Variants in PRKCH observed in about 807,000 individuals in gnomAD.
The protein encoded by PRKCH is protein kinase C eta.
PRKCH carries 28 observed loss-of-function variants against 82.5 expected under a neutral mutation model. That is an observed-to-expected ratio of 0.34 (90% CI 0.25 to 0.47). The LOEUF is 0.47. Ranked by LOEUF, PRKCH falls within the 20% of genes least tolerant of loss-of-function variation. The pLI is 1.00. For synonymous variants in PRKCH, 322 were observed against 327.4 expected, an observed-to-expected ratio of 0.98 and a Z score of 0.18; for missense variants, 705 against 881.8, an observed-to-expected ratio of 0.80 and a Z score of 2.54.
At chr14:61,302,577 T>A (rs1296861007) in intron 1 of PRKCH, among the ~76,000 whole-genome samples, 1 of 152,234 alleles carries the variant, frequency 6.6e-6, no homozygotes, top group Admixed American at 6.5e-5. Flanking sequence ...AAATTTTGAT[T>A]TTTAAAATTA....
At chr14:61,412,757 T>G (rs560196965) in intron 2 of PRKCH, among the ~76,000 whole-genome samples, 47 of 152,334 alleles carry the variant, frequency 3.1e-4, no homozygotes, top group African/African-American at 1.1e-3. Flanking sequence ...TGAAAGCCCC[T>G]TCCCACTTTT....
intron 1 of PRKCH, among the ~76,000 whole-genome samples, chr14:61,217,905 A>T (rs2044626599): frequency 6.6e-6 from 1 of 152,206 alleles, no homozygotes; most frequent in African/African-American, 2.4e-5. Context: ...AGATATGCTA[A>T]ATCTCATGCA....
chr14:61,453,579 TTCTC>T (rs1318204521), intron 7 of PRKCH, among the ~76,000 whole-genome samples: 1 of 151,300 alleles, frequency 6.6e-6, no homozygotes, highest in Non-Finnish European at 1.5e-5. Flanking sequence ...TCCCTTTTTT[TTCTC>T]TCTCTCTCCT....
chr14:61,232,056 T>G (rs911197747), intron 1 of PRKCH, among the ~76,000 whole-genome samples: 27 of 152,148 alleles, frequency 1.8e-4, no homozygotes, highest in Non-Finnish European at 3.8e-4. Context: ...CCTCCCCAAC[T>G]GCCCAACTTC....
intron 1 of PRKCH, among the ~76,000 whole-genome samples, chr14:61,292,443 C>T (rs1026948468): frequency 6.6e-6 from 1 of 152,112 alleles, no homozygotes; most frequent in Admixed American, 6.6e-5. Flanking sequence ...GATCACACCA[C>T]TAGACTCCAG....
intron 9 of PRKCH, among the ~76,000 whole-genome samples, chr14:61,470,789 G>T (rs1005670731): frequency 5.9e-5 from 9 of 152,238 alleles, no homozygotes; most frequent in African/African-American, 2.2e-4. Context: ...ACATTAAAAT[G>T]ATGTAATATA....
At chr14:61,344,430 A>C (rs146261123) in intron 1 of PRKCH, 1 of 152,218 alleles carries the variant, frequency 6.6e-6, no homozygotes, top group Non-Finnish European at 1.5e-5. Flanking sequence ...TGGCAGCTGC[A>C]AACAGGGATT....
intron 2 of PRKCH, among the ~76,000 whole-genome samples, chr14:61,408,513 G>C (rs6573390): frequency 0.14 from 20,976 of 152,106 alleles, 2,263 homozygotes; most frequent in East Asian, 0.32. Context: ...TTTTGGATCA[G>C]ATGGACTTGG....
chr14:61,462,740 C>A (rs1463210201), intron 9 of PRKCH, among the ~76,000 whole-genome samples: 1 of 152,130 alleles, frequency 6.6e-6, no homozygotes, highest in Admixed American at 6.5e-5. Flanking sequence ...GACAGTCTCC[C>A]CTGGAGAATT....
chr14:61,346,878 G>T (rs777805616), intron 1 of PRKCH, among the ~76,000 whole-genome samples: 4 of 152,192 alleles, frequency 2.6e-5, no homozygotes, highest in Non-Finnish European at 5.9e-5. Context: ...AACATTTAAA[G>T]GAGTTATTTT....
intron 1 of PRKCH, among the ~76,000 whole-genome samples, chr14:61,237,434 C>T (rs2044799837): frequency 6.6e-6 from 1 of 152,108 alleles, no homozygotes. Context: ...TTTCCCTTTC[C>T]AGGTCTTCAT....
In PRKCH at chr14:61,481,990, C is replaced by CTTTTTT. The variant is rs35134897; in HGVS notation, c.1279-3494_1279-3489dup. Among the ~76,000 whole-genome samples, 949 of 101,064 alleles carry CTTTTTT rather than the reference C, an allele frequency of 9.4e-3. 39 individuals are homozygous for CTTTTTT. In the East Asian group the frequency reaches 0.14, roughly 15 times the overall value. The allele number at this position is 101,064 out of a possible 152,430, so 66.3% of individuals were successfully genotyped here. A position where few individuals can be genotyped will look rare whatever the true frequency, so the allele number is the denominator to read the frequency against. ...GATGTGTGGGTCTTCTTTCCTTTTC[C>CTTTTTT]TTTTTTTTTTTTTTTTTTTTTTTGA... is the stretch of plus-strand genomic sequence containing the variant. On this transcript the variant is annotated intron_variant, in intron 9 of 13. Coordinates refer to ENST00000332981, the MANE Select transcript of PRKCH (RefSeq NM_006255.5).
intron 1 of PRKCH, among the ~76,000 whole-genome samples, chr14:61,233,646 G>T (rs1057063158): frequency 3.3e-5 from 5 of 152,098 alleles, no homozygotes; most frequent in African/African-American, 1.2e-4. Flanking sequence ...TTAATCATGA[G>T]GGTGGTTACC....
chr14:61,393,428 G>A (rs1460339780), intron 2 of PRKCH, among the ~76,000 whole-genome samples: 2 of 152,156 alleles, frequency 1.3e-5, no homozygotes, highest in Admixed American at 6.5e-5. Context: ...TCTGTAGTCC[G>A]TGGACATGGT....
chr14:61,374,756 C>T (rs770828799), intron 1 of PRKCH, among the ~76,000 whole-genome samples: 1 of 151,952 alleles, frequency 6.6e-6, no homozygotes, highest in Non-Finnish European at 1.5e-5. Flanking sequence ...GCCCCCAGAA[C>T]AATTTTTCTC....
chr14:61,507,630 T>C (rs1359976506), intron 10 of PRKCH, among the ~76,000 whole-genome samples: 1 of 152,126 alleles, frequency 6.6e-6, no homozygotes, highest in African/African-American at 2.4e-5. Context: ...ACAGTGTGGA[T>C]GGGCCTGGAG....
chr14:61,435,704 A>AAATG (rs3837626), intron 2 of PRKCH, among the ~76,000 whole-genome samples: 3,042 of 150,660 alleles, frequency 0.02, 59 homozygotes, highest in East Asian at 0.13. Flanking sequence ...ATCTCAATAT[A>AAATG]AATGAATGAA....
At position 61,256,490 on chromosome 14, in the gene PRKCH, C is replaced by T. The variant is rs559659776; in HGVS notation, c.-19+68822C>T. 5.1e-4 allele frequency among the ~76,000 whole-genome samples: 78 copies of T among 152,182 alleles called. 1 individual carries two copies. The East Asian group carries it at 0.013, about 25-fold the overall frequency. On this transcript the variant is annotated intron_variant, in intron 1 of 3. Transcript: ENST00000555185. ...TTCCTGAAGACAATGCTCGTCTATG[C>T]GAAATTGTACTGGCTTTTTGATCCT...
chr14:61,276,670 T>C (rs1339097946), intron 1 of PRKCH, among the ~76,000 whole-genome samples: 1 of 141,508 alleles, frequency 7.1e-6, no homozygotes, highest in East Asian at 2.2e-4. Flanking sequence ...ATTTACTTTT[T>C]GATTACGTGT....
Sources: gnomAD v4.1 joint callset for allele counts (sites outside exome capture counted in the v4.1 genomes callset) on GRCh38, gnomAD v4.1.1 for gene constraint, MANE v1.5 for transcripts, NCBI Gene and HGNC (gene_info 2026-07-23, HGNC 2026-07-21) for gene names.